The following TBL1XR1 variants were observed in gnomAD, a reference collection of about 807,000 sequenced individuals.
TBL1XR1 encodes the protein TBL1X/Y related 1, also known as F-box-like/WD repeat-containing protein TBL1XR1.
Under a neutral mutation model 66.9 loss-of-function variants are expected in TBL1XR1, and 5 were observed. The ratio of observed to expected loss-of-function variants is 0.07; its 90% CI spans 0.04 to 0.16. TBL1XR1 has a LOEUF of 0.16. Ranked by LOEUF, TBL1XR1 falls within the 10% of genes least tolerant of loss-of-function variation. The pLI, the probability that TBL1XR1 is intolerant of heterozygous loss-of-function variation, is 1.00. For synonymous variants in TBL1XR1, 210 were observed against 206.0 expected (o/e 1.02, Z -0.17); for missense variants, 238 against 623.2 (o/e 0.38, Z 6.58).
intron 2 of TBL1XR1, among the ~76,000 whole-genome samples, chr3:177,068,165 C>T (rs1259141176): frequency 6.6e-6 from 1 of 152,134 alleles, no homozygotes; most frequent in African/African-American, 2.4e-5. Context: ...TAGACACTTC[C>T]TAAATTCACA....
intron 14 of TBL1XR1, chr3:177,027,892 AAGT>A (rs1713382692): frequency 6.6e-6 from 1 of 152,182 alleles, no homozygotes; most frequent in South Asian, 2.1e-4. Context: ...GGAGAGAAAA[AAGT>A]AGAACCAACA....
intron 2 of TBL1XR1, among the ~76,000 whole-genome samples, chr3:177,078,141 C>A (rs1187764078): frequency 6.6e-6 from 1 of 152,164 alleles, no homozygotes; most frequent in African/African-American, 2.4e-5. Context: ...AAAAAGCAGT[C>A]TGTCATGATC....
intron 3 of TBL1XR1, among the ~76,000 whole-genome samples, chr3:177,057,033 C>T (rs373333787): frequency 6.6e-6 from 1 of 152,280 alleles, no homozygotes; most frequent in Admixed American, 6.5e-5. Flanking sequence ...TAACAAAGGT[C>T]AAACGCCTAA....
Position 177,050,712 on chromosome 3 carries a change from G to A in TBL1XR1, c.428-102C>T. On this transcript the variant is annotated intron_variant, in intron 5 of 15. Coordinates refer to ENST00000457928, the MANE Select transcript of TBL1XR1 (RefSeq NM_024665.7). Reference sequence around the variant, plus strand: ...CAAATACCTTCCTTTATCGCACACAGTGTAACATTTTTCAATTATATCCAG... The same window carrying A: ...CAAATACCTTCCTTTATCGCACACAATGTAACATTTTTCAATTATATCCAG... The A allele has an allele frequency of 3.1e-6, 4 of 1,288,368 alleles. No individual in the cohort carries two copies. In the South Asian group the frequency reaches 5.5e-5, roughly 18 times the overall value. The allele number at this position is 1,288,368 out of a possible 1,614,324, so 79.8% of individuals were successfully genotyped here. A position where few individuals can be genotyped will look rare whatever the true frequency, so the allele number is the denominator to read the frequency against.
upstream of TBL1XR1, among the ~76,000 whole-genome samples, chr3:177,198,469 C>T (rs745506618): frequency 9.9e-5 from 15 of 152,170 alleles, no homozygotes; most frequent in Non-Finnish European, 2.2e-4. Context: ...GTGTGAAGCA[C>T]AGCAAGGCGG....
intron 1 of TBL1XR1, among the ~76,000 whole-genome samples, chr3:177,159,154 G>T (rs1175151938): frequency 6.6e-6 from 1 of 150,930 alleles, no homozygotes; most frequent in African/African-American, 2.4e-5. Flanking sequence ...TTCTCAATGG[G>T]TAAAAAAAAA....
At chr3:177,026,287 A>G in intron 15 of TBL1XR1, 86 bp downstream of exon 15, 1 of 1,105,862 alleles carries the variant, frequency 9.0e-7, no homozygotes. Flanking sequence ...ATTTTGAAAA[A>G]AACACTTTGG....
chr3:177,191,072 T>C (rs1736085222), intron 1 of TBL1XR1, among the ~76,000 whole-genome samples: 1 of 151,788 alleles, frequency 6.6e-6, no homozygotes, highest in African/African-American at 2.4e-5. Flanking sequence ...AAAAGCAAAG[T>C]AGTGAGTATG....
intron 2 of TBL1XR1, among the ~76,000 whole-genome samples, chr3:177,078,270 T>C: frequency 6.6e-6 from 1 of 152,274 alleles, no homozygotes; most frequent in Admixed American, 6.5e-5. Context: ...TCATAAATAA[T>C]AAAACATAGC....
intron 2 of TBL1XR1, among the ~76,000 whole-genome samples, chr3:177,093,373 C>T (rs1723069271): frequency 6.6e-6 from 1 of 152,172 alleles, no homozygotes; most frequent in Admixed American, 6.5e-5. Context: ...TGGGTAGAAT[C>T]AATATTGTGA....
At chr3:177,045,817 GCTT>G (rs1359960199) in intron 10 of TBL1XR1, among the ~76,000 whole-genome samples, 2 of 152,044 alleles carry the variant, frequency 1.3e-5, no homozygotes, top group African/African-American at 4.8e-5. Context: ...TCTTAATAAT[GCTT>G]CTTAAGTGGA....
At chr3:177,041,730 G>A (rs910059739) in intron 10 of TBL1XR1, among the ~76,000 whole-genome samples, 5 of 152,152 alleles carry the variant, frequency 3.3e-5, no homozygotes, top group African/African-American at 1.2e-4. Flanking sequence ...GTGCAACCCA[G>A]GAGGGCTATT....
intron 1 of TBL1XR1, among the ~76,000 whole-genome samples, chr3:177,118,317 CTA>C (rs1301561210): frequency 6.6e-6 from 1 of 152,218 alleles, no homozygotes; most frequent in African/African-American, 2.4e-5. Flanking sequence ...GAACAAACAA[CTA>C]TACGTCTTTC....
At chr3:177,177,514 C>T (rs2108954148) in intron 1 of TBL1XR1, among the ~76,000 whole-genome samples, 1 of 152,276 alleles carries the variant, frequency 6.6e-6, no homozygotes, top group Admixed American at 6.5e-5. Context: ...GTACAAAGCA[C>T]ATTTTCAGAT....
At chr3:177,146,589 C>CAAAAAAAAAAAAA (rs78065426) in intron 1 of TBL1XR1, among the ~76,000 whole-genome samples, 1,133 of 51,854 alleles carry the variant, frequency 0.022, 204 homozygotes, top group East Asian at 0.15. Flanking sequence ...GACTCCATCT[C>CAAAAAAAAAAAAA]AAAAAAAAAA....
At chr3:177,068,024 G>A (rs1174272589) in intron 2 of TBL1XR1, among the ~76,000 whole-genome samples, 2 of 152,166 alleles carry the variant, frequency 1.3e-5, no homozygotes, top group Admixed American at 1.3e-4. Context: ...TCACAAAACA[G>A]CACTGAGACA....
intron 1 of TBL1XR1, among the ~76,000 whole-genome samples, chr3:177,123,185 GTTT>G (rs1201928907): frequency 4.6e-5 from 7 of 151,872 alleles, no homozygotes; most frequent in Non-Finnish European, 8.8e-5. Flanking sequence ...TATTGTAATA[GTTT>G]TTTTAAAAAT....
chr3:177,135,976 G>A (rs1024021801), intron 1 of TBL1XR1, among the ~76,000 whole-genome samples: 8 of 151,782 alleles, frequency 5.3e-5, no homozygotes, highest in African/African-American at 1.7e-4. Context: ...TAAGCCAGAC[G>A]AACCAAGATC....
At chr3:177,036,180 C>T (rs1341393322) in intron 12 of TBL1XR1, among the ~76,000 whole-genome samples, 1 of 152,212 alleles carries the variant, frequency 6.6e-6, no homozygotes, top group Non-Finnish European at 1.5e-5. Context: ...CTATAACTAT[C>T]TCTAATATTT....
Sources: gnomAD v4.1 joint callset for allele counts (sites outside exome capture counted in the v4.1 genomes callset) on GRCh38, gnomAD v4.1.1 for gene constraint, MANE v1.5 for transcripts, NCBI Gene and HGNC (gene_info 2026-07-23, HGNC 2026-07-21) for gene names.